Variants in HTR2A observed in about 807,000 individuals in gnomAD.
The protein encoded by HTR2A is 5-HT2 receptor.
A neutral mutation model predicts 31.0 loss-of-function variants in HTR2A; 14 were observed. The ratio of observed to expected loss-of-function variants is 0.45; its 90% CI spans 0.30 to 0.71. The LOEUF (loss-of-function observed/expected upper bound fraction) is 0.71, where lower values mean the gene tolerates loss of function less well. Among genes scored for constraint, HTR2A ranks in the 30% least tolerant of loss-of-function variants. The probability of loss-of-function intolerance (pLI) is 0.09; values close to 1 mark genes in which losing one functional copy is unlikely to be tolerated. For missense variants in HTR2A, 442 were observed against 573.3 expected (o/e 0.77, Z 2.34); for synonymous variants, 209 against 225.2 (o/e 0.93, Z 0.64).
chr13:46,860,937 A>T (rs1435014298), intron 3 of HTR2A, among the ~76,000 whole-genome samples: 1 of 152,210 alleles, frequency 6.6e-6, no homozygotes, highest in Non-Finnish European at 1.5e-5. Flanking sequence ...TGAAAAATGA[A>T]TGGCTCCCAG....
chr13:46,879,232 G>C (rs1052067677), intron 3 of HTR2A, among the ~76,000 whole-genome samples: 3 of 152,240 alleles, frequency 2.0e-5, no homozygotes, highest in African/African-American at 7.2e-5. Flanking sequence ...TGCTGATCCA[G>C]AGAGGCAGAG....
chr13:46,834,811 C>A lies in HTR2A; in HGVS notation c.*26G>T, dbSNP rs370829834. The stretch of plus-strand genomic sequence containing the variant: ...GGTGAAAACTTGCTCAGTGTGCCTT[C>A]CACAGTTGCCACGGCAACTAGCCTA... On this transcript the variant is annotated 3_prime_UTR_variant, in exon 4 of 4. Coordinates refer to ENST00000542664, the MANE Select transcript of HTR2A (RefSeq NM_000621.5). 1,016 of 1,565,850 alleles carry A rather than the reference C, an allele frequency of 6.5e-4. 2 individuals carry two copies. Among genetic ancestry groups the A allele is most frequent in the Non-Finnish European group, 7.9e-4 (916 of 1,152,716 alleles).
intron 3 of HTR2A, among the ~76,000 whole-genome samples, chr13:46,878,026 G>A (rs537632464): frequency 6.6e-6 from 1 of 152,236 alleles, no homozygotes; most frequent in South Asian, 2.1e-4. Context: ...ATATTTATGG[G>A]GACTTTATGC....
At chr13:46,846,181 G>GT (rs145050960) in intron 3 of HTR2A, among the ~76,000 whole-genome samples, 4 of 151,896 alleles carry the variant, frequency 2.6e-5, no homozygotes, top group Non-Finnish European at 4.4e-5. Context: ...TTTAATTGGA[G>GT]TTTTTTTTCT....
At chr13:46,836,788 C>A (rs981828277) in intron 3 of HTR2A, among the ~76,000 whole-genome samples, 2 of 152,136 alleles carry the variant, frequency 1.3e-5, no homozygotes, top group African/African-American at 4.8e-5. Context: ...GATCTAAAAG[C>A]CATGCACTCT....
chr13:46,846,624 A>G (rs1267753410), intron 3 of HTR2A, among the ~76,000 whole-genome samples: 1 of 152,172 alleles, frequency 6.6e-6, no homozygotes, highest in Non-Finnish European at 1.5e-5. Context: ...TTGACTGTGG[A>G]TGGTGACAAT....
chr13:46,839,745 G>A (rs1336600901), intron 3 of HTR2A, among the ~76,000 whole-genome samples: 2 of 152,128 alleles, frequency 1.3e-5, no homozygotes, highest in African/African-American at 4.8e-5. Context: ...TAAAATGAAT[G>A]GGAAACCTTG....
intron 3 of HTR2A, among the ~76,000 whole-genome samples, chr13:46,879,879 C>G (rs1298113844): frequency 6.6e-6 from 1 of 152,082 alleles, no homozygotes; most frequent in Non-Finnish European, 1.5e-5. Flanking sequence ...GTGACATGCA[C>G]CTATATTCCC....
At chr13:46,837,600 G>A (rs559734254) in intron 3 of HTR2A, among the ~76,000 whole-genome samples, 35 of 152,246 alleles carry the variant, frequency 2.3e-4, no homozygotes, top group Admixed American at 6.5e-4. Flanking sequence ...CAAGAACACC[G>A]GTTTATTCCA....
At chr13:46,881,806 G>C (rs1407833255) in intron 3 of HTR2A, among the ~76,000 whole-genome samples, 1 of 152,214 alleles carries the variant, frequency 6.6e-6, no homozygotes, top group Admixed American at 6.5e-5. Context: ...GTTTCAGGCT[G>C]TGGGGCTGGG....
intron 3 of HTR2A, among the ~76,000 whole-genome samples, chr13:46,873,466 C>G (rs1033437439): frequency 7.2e-5 from 8 of 111,536 alleles, no homozygotes; most frequent in Non-Finnish European, 1.2e-4. Context: ...TATTATTATA[C>G]TTTAAGTTTT....
intron 3 of HTR2A, among the ~76,000 whole-genome samples, chr13:46,891,871 A>G (rs564952360): frequency 6.6e-6 from 1 of 152,316 alleles, no homozygotes; most frequent in African/African-American, 2.4e-5. Flanking sequence ...AAAAGGAGGA[A>G]GGTCAATAGG....
At chr13:46,897,294 A>C (rs1411501087), upstream of HTR2A, among the ~76,000 whole-genome samples, 2 of 152,192 alleles carry the variant, frequency 1.3e-5, no homozygotes, top group Non-Finnish European at 2.9e-5. Flanking sequence ...TGAAGAGAGA[A>C]CATAAATAAG....
intron 3 of HTR2A, among the ~76,000 whole-genome samples, chr13:46,840,258 T>A (rs1394910844): frequency 6.6e-6 from 1 of 152,170 alleles, no homozygotes; most frequent in Non-Finnish European, 1.5e-5. Flanking sequence ...ATTGAATATA[T>A]AGGGCAACTG....
intron 3 of HTR2A, among the ~76,000 whole-genome samples, chr13:46,839,792 C>T (rs1593425473): frequency 6.6e-6 from 1 of 152,128 alleles, no homozygotes; most frequent in Admixed American, 6.6e-5. Flanking sequence ...TGGTGTCTTT[C>T]TTTCAGCATG....
At position 46,833,956 on chromosome 13, in the gene HTR2A, T is replaced by C. The variant is rs995237387; in HGVS notation, c.*881A>G. 6.6e-6 allele frequency: 1 copy of C among 152,228 alleles called. No homozygotes were observed. Among genetic ancestry groups the C allele is most frequent in the Admixed American group, 6.5e-5 (1 of 15,280 alleles). 9.4% of individuals were successfully genotyped at this position (152,228 alleles called of 1,614,324 possible). A position where few individuals can be genotyped will look rare whatever the true frequency, so the allele number is the denominator to read the frequency against. ...CACAGTTACATCAATATACATTTAC[T>C]GCTCAAAAGAGTGCATGCATGATGC... On this transcript the variant is annotated 3_prime_UTR_variant, in exon 4 of 4. Coordinates refer to ENST00000542664, the MANE Select transcript of HTR2A (RefSeq NM_000621.5).
chr13:46,836,077 ATTTG>A (rs1216796718), intron 3 of HTR2A, among the ~76,000 whole-genome samples: 1 of 151,886 alleles, frequency 6.6e-6, no homozygotes, highest in Non-Finnish European at 1.5e-5. Flanking sequence ...TAGAATATAG[ATTTG>A]TTTCTTTTTT....
At chr13:46,856,066 T>A (rs1566306677) in intron 3 of HTR2A, 1 of 152,252 alleles carries the variant, frequency 6.6e-6, no homozygotes, top group Non-Finnish European at 1.5e-5. Context: ...CCCTGCTTCA[T>A]CCCTGGTTAT....
chr13:46,841,833 T>C (rs1950599675), intron 3 of HTR2A, among the ~76,000 whole-genome samples: 1 of 152,156 alleles, frequency 6.6e-6, no homozygotes, highest in Admixed American at 6.5e-5. Context: ...TAAGAACCCA[T>C]CCACATCTCT....
Sources: allele counts gnomAD v4.1 joint callset (sites outside exome capture counted in the v4.1 genomes callset), GRCh38; gene constraint gnomAD v4.1.1; transcripts MANE v1.5; gene names NCBI Gene and HGNC (gene_info 2026-07-23, HGNC 2026-07-21).